MEIS2: variants seen among roughly 807,000 people sequenced by gnomAD.
MEIS2 encodes Meis homeobox 2.
Under a neutral mutation model 58.6 loss-of-function variants are expected in MEIS2, and 9 were observed. That is an observed-to-expected ratio of 0.15 (90% CI 0.09 to 0.27). The LOEUF (loss-of-function observed/expected upper bound fraction) is 0.27, where lower values mean the gene tolerates loss of function less well. Among genes scored for constraint, MEIS2 ranks in the 10% least tolerant of loss-of-function variants. MEIS2 has a pLI of 1.00. For missense variants in MEIS2, 427 were observed against 635.0 expected (o/e 0.67, Z 3.52); for synonymous variants, 221 against 228.4 (o/e 0.97, Z 0.29).
intron 7 of MEIS2, among the ~76,000 whole-genome samples, chr15:37,077,796 G>A (rs1891610304): frequency 6.6e-6 from 1 of 151,974 alleles, no homozygotes; most frequent in Non-Finnish European, 1.5e-5. Flanking sequence ...TATTGGACAT[G>A]TAACACAGCA....
chr15:36,911,310 T>C (rs969967115), intron 9 of MEIS2, among the ~76,000 whole-genome samples: 1 of 152,012 alleles, frequency 6.6e-6, no homozygotes, highest in Non-Finnish European at 1.5e-5. Flanking sequence ...TACATATATA[T>C]GCATACATAT....
At chr15:37,015,481 C>CAAAA (rs2061318178) in intron 8 of MEIS2, among the ~76,000 whole-genome samples, 1 of 117,386 alleles carries the variant, frequency 8.5e-6, no homozygotes, top group South Asian at 2.6e-4. Context: ...CACACACACA[C>CAAAA]ACAAACACAC....
chr15:36,953,611 A>G (rs1304498108), intron 8 of MEIS2, among the ~76,000 whole-genome samples: 1 of 152,194 alleles, frequency 6.6e-6, no homozygotes, highest in Non-Finnish European at 1.5e-5. Context: ...CATAGGTTAA[A>G]CTTTTTCACA....
intron 9 of MEIS2, among the ~76,000 whole-genome samples, chr15:36,902,645 G>A (rs1378192302): frequency 2.0e-5 from 3 of 152,170 alleles, no homozygotes; most frequent in Non-Finnish European, 4.4e-5. Context: ...CCTTGCTCTA[G>A]ATCACATATC....
intron 7 of MEIS2, among the ~76,000 whole-genome samples, chr15:37,040,435 A>T (rs1373814746): frequency 6.6e-6 from 1 of 152,078 alleles, no homozygotes; most frequent in African/African-American, 2.4e-5. Context: ...CTATATACCT[A>T]AAGGGTGAAG....
chr15:37,055,027 T>C (rs892451761), intron 7 of MEIS2, among the ~76,000 whole-genome samples: 1 of 152,182 alleles, frequency 6.6e-6, no homozygotes, highest in Non-Finnish European at 1.5e-5. Flanking sequence ...ATTTTCCACA[T>C]GAAGAAACTA....
rs183482420 is a variant in MEIS2, at chr15:36,933,452, T to A, written c.977+16872A>T. ...AATTTTAATCTCCTCCATCAAGTCA[T>A]TTTGCATTTTTACATAACCTGCATG... On this transcript the variant is annotated intron_variant, in intron 9 of 11. Transcript: ENST00000561208. 6.1e-3 allele frequency among the ~76,000 whole-genome samples: 933 copies of A among 152,210 alleles called. 8 individuals carry two copies. Among genetic ancestry groups the A allele is most frequent in the African/African-American group, 0.021 (870 of 41,524 alleles).
intron 1 of MEIS2, chr15:37,099,078 CGGCA>C (rs1212894890): frequency 1.0e-6 from 1 of 988,712 alleles, no homozygotes; most frequent in Admixed American, 6.2e-5. Context: ...CGAGCCACGG[CGGCA>C]GCGGCGCAGC....
intron 8 of MEIS2, among the ~76,000 whole-genome samples, chr15:37,010,369 G>A (rs1365690596): frequency 3.3e-5 from 5 of 151,274 alleles, no homozygotes; most frequent in Admixed American, 3.3e-4. Flanking sequence ...TTACAGGCAT[G>A]AGCCACCACG....
chr15:36,961,403 T>C (rs1264934927), intron 8 of MEIS2, among the ~76,000 whole-genome samples: 2 of 152,096 alleles, frequency 1.3e-5, no homozygotes, highest in Non-Finnish European at 2.9e-5. Context: ...CATTCACTCG[T>C]TCAAGACAAA....
intron 8 of MEIS2, among the ~76,000 whole-genome samples, chr15:37,000,787 G>A (rs1475130547): frequency 6.6e-6 from 1 of 151,964 alleles, no homozygotes; most frequent in Non-Finnish European, 1.5e-5. Context: ...TGAGCATACC[G>A]TATTCTTTAA....
intron 8 of MEIS2, among the ~76,000 whole-genome samples, chr15:36,966,656 T>C (rs2059368564): frequency 2.0e-5 from 3 of 152,192 alleles, no homozygotes; most frequent in Non-Finnish European, 2.9e-5. Context: ...CCAGGCACTG[T>C]TACAGGAGAG....
intron 8 of MEIS2, among the ~76,000 whole-genome samples, chr15:37,004,062 A>C (rs769064376): frequency 2.0e-5 from 3 of 152,230 alleles, no homozygotes; most frequent in Non-Finnish European, 4.4e-5. Flanking sequence ...TGAGCAATTA[A>C]AATTTCCTTA....
chr15:36,950,051 A>G (rs1459521722), intron 9 of MEIS2, among the ~76,000 whole-genome samples: 8 of 151,906 alleles, frequency 5.3e-5, no homozygotes, highest in African/African-American at 1.9e-4. Flanking sequence ...AGCATCAGAG[A>G]TGGGAAAAGT....
intron 7 of MEIS2, among the ~76,000 whole-genome samples, chr15:37,043,716 A>T (rs186836411): frequency 1.7e-5 from 2 of 119,542 alleles, no homozygotes; most frequent in East Asian, 2.3e-4. Flanking sequence ...ATGGAGTCCT[A>T]CTAGCTCTGT....
chr15:37,049,467 TG>T (rs2141797501), intron 7 of MEIS2, among the ~76,000 whole-genome samples: 1 of 148,174 alleles, frequency 6.7e-6, no homozygotes, highest in East Asian at 2.0e-4. Flanking sequence ...GTTGTGGTTT[TG>T]TTTTTTTTGT....
chr15:36,945,304 T>C (rs1225751667), intron 9 of MEIS2, among the ~76,000 whole-genome samples: 1 of 152,042 alleles, frequency 6.6e-6, no homozygotes, highest in African/African-American at 2.4e-5. Context: ...AGGAGGCAAA[T>C]GATTGCTTTC....
chr15:36,924,356 C>G (rs549665022), intron 9 of MEIS2, among the ~76,000 whole-genome samples: 2 of 152,194 alleles, frequency 1.3e-5, no homozygotes, highest in African/African-American at 4.8e-5. Context: ...CGGCTGAGAT[C>G]GCGGTCATGA....
chr15:37,079,909 G>A (rs1334872849), intron 7 of MEIS2, among the ~76,000 whole-genome samples: 1 of 151,984 alleles, frequency 6.6e-6, no homozygotes, highest in African/African-American at 2.4e-5. Context: ...ACGTGCGTGT[G>A]GTGTGCAGTG....
Sources: allele counts gnomAD v4.1 joint callset (sites outside exome capture counted in the v4.1 genomes callset), GRCh38; gene constraint gnomAD v4.1.1; transcripts MANE v1.5; gene names NCBI Gene and HGNC (gene_info 2026-07-23, HGNC 2026-07-21).